NCKAP5: variants seen among roughly 807,000 people sequenced by gnomAD.
The protein encoded by NCKAP5 is nck-associated protein 5.
Under a neutral mutation model 167.0 loss-of-function variants are expected in NCKAP5, and 92 were observed. That is an observed-to-expected ratio of 0.55 (90% CI 0.47 to 0.66). NCKAP5 has a LOEUF of 0.66. NCKAP5 is among the 30% of genes least tolerant of loss of function. The pLI is 0.00. For missense variants in NCKAP5, 2,378 were observed against 2,315.0 expected, an observed-to-expected ratio of 1.03 and a Z score of -0.56; for synonymous variants, 891 against 877.4, an observed-to-expected ratio of 1.02 and a Z score of -0.27.
intron 8 of NCKAP5, among the ~76,000 whole-genome samples, chr2:132,928,233 A>G (rs1252095550): frequency 6.6e-6 from 1 of 152,224 alleles, no homozygotes; most frequent in Non-Finnish European, 1.5e-5. Context: ...TAATACAATT[A>G]TCTTATAAGG....
At chr2:133,349,720 A>G (rs892474048) in intron 3 of NCKAP5, among the ~76,000 whole-genome samples, 3 of 152,152 alleles carry the variant, frequency 2.0e-5, no homozygotes, top group Non-Finnish European at 4.4e-5. Context: ...GCACAAAGAA[A>G]TAAGTCCAGA....
chr2:133,056,382 G>A (rs1012451743), intron 6 of NCKAP5, among the ~76,000 whole-genome samples: 4 of 151,846 alleles, frequency 2.6e-5, no homozygotes, highest in Non-Finnish European at 4.4e-5. Context: ...GCTCTCCACT[G>A]CACCCAGAAT....
At chr2:132,709,145 A>AC (rs200395347) in intron 19 of NCKAP5, among the ~76,000 whole-genome samples, 2,202 of 141,260 alleles carry the variant, frequency 0.016, 51 homozygotes, top group African/African-American at 0.061. Context: ...CATAATATCT[A>AC]CACCCCCCCA....
the NCKAP5 span, among the ~76,000 whole-genome samples, chr2:133,616,337 C>T: frequency 6.6e-6 from 1 of 151,612 alleles, no homozygotes; most frequent in Admixed American, 6.6e-5. Flanking sequence ...CACAAAAAAC[C>T]CTTCAAAAAA....
intron 5 of NCKAP5, among the ~76,000 whole-genome samples, chr2:133,138,638 C>T (rs2082885283): frequency 6.6e-6 from 1 of 152,174 alleles, no homozygotes; most frequent in Admixed American, 6.5e-5. Flanking sequence ...AATATACTTA[C>T]TGTCTCCGGA....
At chr2:132,943,705 C>G (rs1697470229) in intron 8 of NCKAP5, among the ~76,000 whole-genome samples, 1 of 152,194 alleles carries the variant, frequency 6.6e-6, no homozygotes, top group African/African-American at 2.4e-5. Context: ...ATGTTGCCAA[C>G]AGCTTCAGGT....
intron 3 of NCKAP5, among the ~76,000 whole-genome samples, chr2:133,440,973 T>A (rs886199329): frequency 2.0e-5 from 3 of 152,110 alleles, no homozygotes; most frequent in Admixed American, 2.0e-4. Flanking sequence ...TCAAGGTCTT[T>A]TAAAACTCTT....
rs191251924 is a variant in NCKAP5 at position 132,797,270 on chromosome 2, T to C, written c.808-541A>G. On this transcript the variant is annotated intron_variant, in intron 11 of 19. Transcript: ENST00000409261. ...TTAATGTGAATAGAAAATAATTGCT[T>C]TGGGGACCTGGGGACTCTGAGGATT... Among the ~76,000 whole-genome samples the C allele has an allele frequency of 1.6e-3, 251 of 152,336 alleles. 1 individual carries two copies. Among genetic ancestry groups the C allele is most frequent in the Non-Finnish European group, 3.1e-3 (212 of 68,028 alleles).
At chr2:133,005,174 G>A (rs2077921417) in intron 6 of NCKAP5, among the ~76,000 whole-genome samples, 1 of 152,156 alleles carries the variant, frequency 6.6e-6, no homozygotes. Flanking sequence ...GGGATTAAGA[G>A]ATTAAAGACA....
intron 7 of NCKAP5, among the ~76,000 whole-genome samples, chr2:132,969,245 C>T (rs1306134258): frequency 6.6e-6 from 1 of 152,056 alleles, no homozygotes; most frequent in Non-Finnish European, 1.5e-5. Flanking sequence ...ATTATGTTAG[C>T]CAGGCTGGTC....
At chr2:133,307,508 TGAA>T (rs1156402830) in intron 3 of NCKAP5, among the ~76,000 whole-genome samples, 28 of 149,226 alleles carry the variant, frequency 1.9e-4, no homozygotes, top group Non-Finnish European at 3.7e-4. Flanking sequence ...AAAAAAATAG[TGAA>T]GAAAAAAAAG....
intron 8 of NCKAP5, among the ~76,000 whole-genome samples, chr2:132,938,744 A>G (rs1245995756): frequency 6.6e-6 from 1 of 152,190 alleles, no homozygotes; most frequent in Non-Finnish European, 1.5e-5. Flanking sequence ...GGAAAGGGGA[A>G]TAACAGAGAA....
chr2:133,524,989 T>C (rs545619017), intron 2 of NCKAP5, among the ~76,000 whole-genome samples: 123 of 152,294 alleles, frequency 8.1e-4, no homozygotes, highest in African/African-American at 2.7e-3. Flanking sequence ...TGCATGTGTG[T>C]GTGTATTCAC....
At chr2:133,533,309 G>A (rs1265455441) in intron 2 of NCKAP5, among the ~76,000 whole-genome samples, 2 of 152,174 alleles carry the variant, frequency 1.3e-5, no homozygotes, top group African/African-American at 2.4e-5. Context: ...TCAGTTTTTC[G>A]AGAGTCAGAA....
chr2:133,502,956 G>T (rs984442054), intron 3 of NCKAP5, among the ~76,000 whole-genome samples: 6 of 152,170 alleles, frequency 3.9e-5, no homozygotes, highest in Admixed American at 1.3e-4. Flanking sequence ...GCGATGGTAG[G>T]CATCTGAAAC....
At chr2:133,617,084 C>T in the NCKAP5 span, among the ~76,000 whole-genome samples, 1 of 152,188 alleles carries the variant, frequency 6.6e-6, no homozygotes, top group Non-Finnish European at 1.5e-5. Context: ...CAGAAAAAGC[C>T]TTTGACAAAA....
At chr2:133,420,949 C>T (rs1211110491) in intron 3 of NCKAP5, among the ~76,000 whole-genome samples, 1 of 152,156 alleles carries the variant, frequency 6.6e-6, no homozygotes, top group Non-Finnish European at 1.5e-5. Flanking sequence ...GACTTGCCTC[C>T]ACTGGTTCTT....
chr2:132,780,427 G>A (rs912320211), intron 15 of NCKAP5, among the ~76,000 whole-genome samples: 1 of 152,090 alleles, frequency 6.6e-6, no homozygotes, highest in Non-Finnish European at 1.5e-5. Flanking sequence ...TGGGATTACA[G>A]GCGTGAGCCA....
chr2:133,216,498 A>C (rs929335760), intron 4 of NCKAP5, among the ~76,000 whole-genome samples: 5 of 152,170 alleles, frequency 3.3e-5, no homozygotes, highest in African/African-American at 1.2e-4. Context: ...ATGAAAACGT[A>C]AGCCAATGGC....
Sources: allele counts gnomAD v4.1 joint callset (sites outside exome capture counted in the v4.1 genomes callset), GRCh38; gene constraint gnomAD v4.1.1; transcripts MANE v1.5; gene names NCBI Gene and HGNC (gene_info 2026-07-23, HGNC 2026-07-21).